AGAP1: variants seen among roughly 807,000 people sequenced by gnomAD.
AGAP1 encodes the protein ArfGAP with GTPase domain, ankyrin repeat and PH domain 1, also known as arf-GAP with GTPase, ANK repeat and PH domain-containing protein 1.
A neutral mutation model predicts 105.3 loss-of-function variants in AGAP1; 29 were observed. That is an observed-to-expected ratio of 0.28 (90% CI 0.21 to 0.38). The LOEUF (loss-of-function observed/expected upper bound fraction) is 0.38, where lower values mean the gene tolerates loss of function less well. Among genes scored for constraint, AGAP1 ranks in the 10% least tolerant of loss-of-function variants. The pLI, the probability that AGAP1 is intolerant of heterozygous loss-of-function variation, is 1.00. For missense variants in AGAP1, 998 were observed against 1,165.1 expected (o/e 0.86, Z 2.09); for synonymous variants, 509 against 485.9 (o/e 1.05, Z -0.63).
At position 235,982,296 on chromosome 2, in the gene AGAP1, C is replaced by A. The variant is rs746888553; in HGVS notation, c.1645+13673C>A. On this transcript the variant is annotated intron_variant, in intron 13 of 17. Transcript: ENST00000304032. This position sits in a 1 kb window ranked among gnomAD's most constrained non-coding sequence, Gnocchi z 4.9. ...AGCTGTGAATGCAGAGTAACTCTTA[C>A]AATTAACATATAATTACCTCAACGG... 1.3e-5 allele frequency among the ~76,000 whole-genome samples: 2 copies of A among 151,808 alleles called. No homozygotes were observed. Among genetic ancestry groups the A allele is most frequent in the Non-Finnish European group, 2.9e-5 (2 of 68,042 alleles).
At position 235,787,074 on chromosome 2, in the gene AGAP1, G is replaced by A. The variant is rs1575463351; in HGVS notation, c.674-10685G>A. On this transcript the variant is annotated intron_variant, in intron 6 of 17. Transcript: ENST00000304032. The surrounding 1 kb of genome is among the most constrained non-coding windows in gnomAD (Gnocchi z 4.4). ...ACATACTTAGGCAGTGCTCAGAGTC[G>A]AGCTGGCCTGGGGCCGTGGCCCCAC... Among the ~76,000 whole-genome samples the A allele has an allele frequency of 6.6e-6, 1 of 152,232 alleles. No individual in the cohort carries two copies. Among genetic ancestry groups the A allele is most frequent in the Admixed American group, 6.5e-5 (1 of 15,288 alleles).
chr2:235,845,645 C>T lies in AGAP1; in HGVS notation c.1051-37700C>T, dbSNP rs1202043869. ...TTTTTAATTTCTCAGTGTATGTTTT[C>T]TGGTATAATCTGCTTGTCTTTGCCT... On this transcript the variant is annotated intron_variant, in intron 9 of 17. Coordinates refer to ENST00000304032, the MANE Select transcript of AGAP1 (RefSeq NM_001037131.3). This position sits in a 1 kb window ranked among gnomAD's most constrained non-coding sequence, Gnocchi z 4.8. Among the ~76,000 whole-genome samples the T allele has an allele frequency of 1.3e-5, 2 of 151,692 alleles. No homozygotes were observed. Among genetic ancestry groups the T allele is most frequent in the East Asian group, 3.9e-4 (2 of 5,166 alleles).
rs1287543317 is a variant in AGAP1 at position 235,901,079 on chromosome 2, T to A, written c.1156-7659T>A. On this transcript the variant is annotated intron_variant, in intron 10 of 17. Transcript: ENST00000304032. This position sits in a 1 kb window ranked among gnomAD's most constrained non-coding sequence, Gnocchi z 4.3. Reference sequence around the variant, plus strand: ...ATAGTTTTACAATATTTTCACAGTATTTTTAGGAGCATGACTTTGGTCTGC... The same window carrying A: ...ATAGTTTTACAATATTTTCACAGTAATTTTAGGAGCATGACTTTGGTCTGC... Among the ~76,000 whole-genome samples the A allele has an allele frequency of 6.6e-6, 1 of 152,234 alleles. No homozygotes were observed. Among genetic ancestry groups the A allele is most frequent in the African/African-American group, 2.4e-5 (1 of 41,468 alleles).
chr2:236,013,693 C>CA (rs1432628171), intron 13 of AGAP1, among the ~76,000 whole-genome samples: 1 of 152,204 alleles, frequency 6.6e-6, no homozygotes, highest in East Asian at 1.9e-4. Context: ...TTGAGAGAGA[C>CA]AGACGGTCCT....
In AGAP1 at chr2:235,799,510, C is replaced by T. The variant is rs1957394027; in HGVS notation, c.945C>T (p.Ser315=). ...TTCGCAAGCAGTCTAAGCGCCGGTC[C>T]AACCTGTTCACCGTGAGTGTCAACC... ...TPVRKQSKRR[S]NLFTSRKGSD... Residue 315 remains serine (S), a synonymous_variant, in exon 8 of 18, where the codon TCC becomes TCT. Coordinates refer to ENST00000304032, the MANE Select transcript of AGAP1 (RefSeq NM_001037131.3). This position sits in a 1 kb window ranked among gnomAD's most constrained non-coding sequence, Gnocchi z 5.0. 6.2e-7 allele frequency: 1 copy of T among 1,614,018 alleles called. No individual in the cohort carries two copies. The highest frequency in any genetic ancestry group is 1.7e-5 in the Admixed American group (1 of 60,008).
intron 6 of AGAP1, among the ~76,000 whole-genome samples, chr2:235,773,429 T>C (rs1375201973): frequency 6.6e-6 from 1 of 152,156 alleles, no homozygotes; most frequent in Non-Finnish European, 1.5e-5. Flanking sequence ...TGCAAATGTC[T>C]GATTGATTGG....
intron 13 of AGAP1, among the ~76,000 whole-genome samples, chr2:236,007,972 G>A (rs1290108993): frequency 6.6e-6 from 1 of 152,226 alleles, no homozygotes; most frequent in East Asian, 1.9e-4. Context: ...AGAAAGAGGT[G>A]CATTTTACTC....
intron 2 of AGAP1, 79 bp downstream of exon 2, chr2:235,709,316 C>T: frequency 6.7e-7 from 1 of 1,484,546 alleles, no homozygotes; most frequent in African/African-American, 1.4e-5. Flanking sequence ...TCCCAGGCAA[C>T]TGGTCATCGC....
intron 10 of AGAP1, among the ~76,000 whole-genome samples, chr2:235,899,086 T>C (rs1034554686): frequency 6.6e-6 from 1 of 152,184 alleles, no homozygotes; most frequent in Non-Finnish European, 1.5e-5. Context: ...AAATTAGAAG[T>C]ACTGACCCTT....
In AGAP1 at chr2:235,889,283, T is replaced by C. The variant is rs560248746; in HGVS notation, c.1155+5834T>C. Among the ~76,000 whole-genome samples the C allele has an allele frequency of 6.6e-6, 1 of 152,254 alleles. No homozygotes were observed. The highest frequency in any genetic ancestry group is 1.5e-5 in the Non-Finnish European group (1 of 68,026). On this transcript the variant is annotated intron_variant, in intron 10 of 17. Transcript: ENST00000304032. The surrounding 1 kb of genome is among the most constrained non-coding windows in gnomAD (Gnocchi z 4.6). ...AGAACAAAGCAGCCAGTCATGAAACTGGGGAAACCTGACATTGCAGGACAC... is the reference window on the plus strand; with the variant it reads ...AGAACAAAGCAGCCAGTCATGAAACCGGGGAAACCTGACATTGCAGGACAC...
At chr2:235,735,193 C>T (rs1163675742) in intron 3 of AGAP1, among the ~76,000 whole-genome samples, 1 of 152,238 alleles carries the variant, frequency 6.6e-6, no homozygotes, top group African/African-American at 2.4e-5. Flanking sequence ...GTTGCCATAG[C>T]TGTCGCTTGG....
chr2:235,776,866 C>T (rs1955910779), intron 6 of AGAP1: 1 of 468,140 alleles, frequency 2.1e-6, no homozygotes, highest in Non-Finnish European at 4.4e-6. Flanking sequence ...AATCTCGAGG[C>T]TCTCCTAGCC....
chr2:235,839,379 G>A (rs560755853), intron 9 of AGAP1, among the ~76,000 whole-genome samples: 5 of 152,228 alleles, frequency 3.3e-5, no homozygotes, highest in African/African-American at 9.6e-5. Context: ...TTGGGCCTGG[G>A]TGGGGCCCGG....
At position 235,578,641 on chromosome 2, in the gene AGAP1, T is replaced by G. The variant is rs1233716722; in HGVS notation, c.163+83792T>G. Among the ~76,000 whole-genome samples the G allele has an allele frequency of 3.3e-5, 5 of 151,844 alleles. No individual in the cohort carries two copies. Among genetic ancestry groups the G allele is most frequent in the Non-Finnish European group, 7.4e-5 (5 of 67,970 alleles). On this transcript the variant is annotated intron_variant, in intron 1 of 17. Transcript: ENST00000304032. The surrounding 1 kb of genome is among the most constrained non-coding windows in gnomAD (Gnocchi z 4.9). ...CTACTAAAAATACAAAAAAATTAGC[T>G]GGATGTGGTGGTGTGCACCTGTAAT... is the stretch of plus-strand genomic sequence containing the variant.
In AGAP1 at chr2:235,612,824, A is replaced by G. The variant is rs1054248995; in HGVS notation, c.164-96355A>G. On this transcript the variant is annotated intron_variant, in intron 1 of 17. Coordinates refer to ENST00000304032, the MANE Select transcript of AGAP1 (RefSeq NM_001037131.3). The surrounding 1 kb of genome is among the most constrained non-coding windows in gnomAD (Gnocchi z 4.3). Reference sequence around the variant, plus strand: ...CCGATGTTGTGATCTTGTGGAGGGAATGACCCCACGTCTCTGGATTCTGGC... The same window carrying G: ...CCGATGTTGTGATCTTGTGGAGGGAGTGACCCCACGTCTCTGGATTCTGGC... Among the ~76,000 whole-genome samples, 3 of 152,088 alleles carry G rather than the reference A, an allele frequency of 2.0e-5. No homozygotes were observed. The highest frequency in any genetic ancestry group is 7.2e-5 in the African/African-American group (3 of 41,418).
chr2:235,894,996 AGCCTCG>A (rs778161979), intron 10 of AGAP1, among the ~76,000 whole-genome samples: 3 of 152,192 alleles, frequency 2.0e-5, no homozygotes, highest in Non-Finnish European at 4.4e-5. Context: ...CTCCACCCAC[AGCCTCG>A]GCCTCGGCCT....
intron 13 of AGAP1, among the ~76,000 whole-genome samples, chr2:236,023,335 A>G (rs1177733214): frequency 3.9e-5 from 6 of 152,196 alleles, no homozygotes; most frequent in Non-Finnish European, 7.3e-5. Context: ...GAGATCAGAA[A>G]GATGAAGTGG....
At chr2:236,122,100 C>T (rs1576354755) in intron 17 of AGAP1, among the ~76,000 whole-genome samples, 1 of 47,046 alleles carries the variant, frequency 2.1e-5, no homozygotes, top group South Asian at 6.9e-4. Flanking sequence ...CACAGGCATG[C>T]CACCCCCATG....
chr2:235,627,520 C>T (rs767409445), intron 1 of AGAP1, among the ~76,000 whole-genome samples: 56 of 152,024 alleles, frequency 3.7e-4, no homozygotes, highest in Non-Finnish European at 6.5e-4. Context: ...CCACGGCGCC[C>T]GGCTATTTTG....
Sources: allele counts gnomAD v4.1 joint callset (sites outside exome capture counted in the v4.1 genomes callset), GRCh38; gene constraint gnomAD v4.1.1; non-coding constraint Gnocchi (gnomAD v3.1); transcripts MANE v1.5; gene names NCBI Gene and HGNC (gene_info 2026-07-23, HGNC 2026-07-21).